PTPRD: variants seen among roughly 807,000 people sequenced by gnomAD.
The protein encoded by PTPRD is receptor-type tyrosine-protein phosphatase delta.
A neutral mutation model predicts 214.5 loss-of-function variants in PTPRD; 34 were observed. The ratio of observed to expected loss-of-function variants is 0.16; its 90% CI spans 0.12 to 0.21. The LOEUF is 0.21. Ranked by LOEUF, PTPRD falls within the 10% of genes least tolerant of loss-of-function variation. The pLI, the probability that PTPRD is intolerant of heterozygous loss-of-function variation, is 1.00. For missense variants in PTPRD, 2,545 were observed against 2,398.7 expected, an observed-to-expected ratio of 1.06 and a Z score of -1.27; for synonymous variants, 1,128 against 845.7, an observed-to-expected ratio of 1.33 and a Z score of -5.79.
At chr9:9,745,518 C>A (rs866084958) in intron 6 of PTPRD, among the ~76,000 whole-genome samples, 8 of 152,068 alleles carry the variant, frequency 5.3e-5, no homozygotes, top group African/African-American at 1.9e-4. Flanking sequence ...CGTGGCAGGG[C>A]AAATGAATGT....
At chr9:9,840,761 C>CAAAAAAAAAAAAAAAAAAAAAAA (rs59780411) in intron 5 of PTPRD, among the ~76,000 whole-genome samples, 1 of 61,622 alleles carries the variant, frequency 1.6e-5, no homozygotes, top group Non-Finnish European at 2.6e-5. Flanking sequence ...GACTCCGTTT[C>CAAAAAAAAAAAAAAAAAAAAAAA]AAAAAAAAAA....
At chr9:8,713,466 G>T in intron 12 of PTPRD, 1 of 1,119,832 alleles carries the variant, frequency 8.9e-7, no homozygotes, top group South Asian at 1.3e-5. Context: ...CTCAGTTAAA[G>T]AAAATGAAGA....
intron 12 of PTPRD, among the ~76,000 whole-genome samples, chr9:8,712,223 T>C (rs145771605): frequency 1.3e-5 from 2 of 152,332 alleles, no homozygotes; most frequent in African/African-American, 4.8e-5. Context: ...CTGTCCTTAG[T>C]AATTTTGGTA....
chr9:10,447,752 C>T (rs564283688), intron 2 of PTPRD, among the ~76,000 whole-genome samples: 1 of 152,106 alleles, frequency 6.6e-6, no homozygotes, highest in Admixed American at 6.5e-5. Context: ...CCTCATTCTT[C>T]AAGTAAGAAG....
At chr9:9,070,299 G>C (rs761984305) in intron 10 of PTPRD, among the ~76,000 whole-genome samples, 2 of 152,034 alleles carry the variant, frequency 1.3e-5, no homozygotes, top group African/African-American at 4.8e-5. Context: ...TACATAAGGC[G>C]TCTTGTAATT....
chr9:9,103,376 A>T (rs1362686902), intron 10 of PTPRD, among the ~76,000 whole-genome samples: 11 of 152,060 alleles, frequency 7.2e-5, no homozygotes, highest in Non-Finnish European at 1.5e-4. Context: ...TGTCTTTTTT[A>T]AAAAAGATCA....
At chr9:9,718,246 G>A (rs1200347723) in intron 7 of PTPRD, among the ~76,000 whole-genome samples, 1 of 152,112 alleles carries the variant, frequency 6.6e-6, no homozygotes, top group Non-Finnish European at 1.5e-5. Flanking sequence ...TATGAAAATA[G>A]CAACATTAAA....
At chr9:8,418,338 TATC>T (rs912541789) in intron 35 of PTPRD, among the ~76,000 whole-genome samples, 5 of 152,100 alleles carry the variant, frequency 3.3e-5, no homozygotes, top group Admixed American at 3.3e-4. Context: ...TGTGTGCCAC[TATC>T]ATGTGTTACA....
At chr9:9,517,241 T>C (rs2096860429) in intron 8 of PTPRD, among the ~76,000 whole-genome samples, 1 of 152,104 alleles carries the variant, frequency 6.6e-6, no homozygotes. Context: ...CCCAACTCAC[T>C]GCATAGTTAG....
chr9:9,181,318 G>A (rs1194667386), intron 10 of PTPRD, among the ~76,000 whole-genome samples: 1 of 151,794 alleles, frequency 6.6e-6, no homozygotes, highest in African/African-American at 2.4e-5. Flanking sequence ...TAGAAAAAAA[G>A]CCTTTTCTCT....
At chr9:9,093,704 G>A (rs540546504) in intron 10 of PTPRD, among the ~76,000 whole-genome samples, 4 of 151,454 alleles carry the variant, frequency 2.6e-5, no homozygotes, top group Non-Finnish European at 4.4e-5. Context: ...GCATATAGAG[G>A]AAAATTTATA....
intron 43 of PTPRD, among the ~76,000 whole-genome samples, chr9:8,335,407 A>G (rs1408002791): frequency 1.3e-5 from 2 of 152,220 alleles, no homozygotes; most frequent in Non-Finnish European, 1.5e-5. Context: ...GATTATCTCA[A>G]TAGATGCAGA....
At chr9:10,194,439 T>C (rs1428484812) in intron 3 of PTPRD, among the ~76,000 whole-genome samples, 1 of 145,976 alleles carries the variant, frequency 6.9e-6, no homozygotes, top group Admixed American at 6.8e-5. Flanking sequence ...GAATGGCTGT[T>C]AGAGATTATA....
chr9:10,155,010 G>C (rs142542072), intron 3 of PTPRD, among the ~76,000 whole-genome samples: 1 of 151,922 alleles, frequency 6.6e-6, no homozygotes, highest in Non-Finnish European at 1.5e-5. Flanking sequence ...CATAATAATA[G>C]TATTGAATCT....
chr9:10,169,473 C>CAAA (rs59335943), intron 3 of PTPRD, among the ~76,000 whole-genome samples: 9,712 of 66,618 alleles, frequency 0.15, 781 homozygotes, highest in South Asian at 0.2. Flanking sequence ...GACTCTGTCT[C>CAAA]AAAAAAAAAA....
intron 5 of PTPRD, among the ~76,000 whole-genome samples, chr9:9,822,018 A>C (rs2050918623): frequency 6.6e-6 from 1 of 151,444 alleles, no homozygotes; most frequent in Non-Finnish European, 1.5e-5. Context: ...TGTGGTAGTA[A>C]ATATCACCTT....
chr9:9,036,783 C>T (rs556741239), intron 10 of PTPRD, among the ~76,000 whole-genome samples: 18 of 152,212 alleles, frequency 1.2e-4, no homozygotes, highest in Admixed American at 9.2e-4. Context: ...TTACCTCTCT[C>T]CCCTGATACA....
Position 10,576,384 on chromosome 9 carries a change from C to G in PTPRD, c.-600+36014G>C, listed in dbSNP as rs189942816. 1.5e-4 allele frequency among the ~76,000 whole-genome samples: 23 copies of G among 152,148 alleles called. No homozygotes were observed. The East Asian group carries it at 4.2e-3, about 28-fold the overall frequency. On this transcript the variant is annotated intron_variant, in intron 2 of 45. Coordinates refer to ENST00000381196, the MANE Select transcript of PTPRD (RefSeq NM_002839.4). The stretch of plus-strand genomic sequence containing the variant: ...TAAAAATATGGTACATTTAAGAACT[C>G]TGAGAGAGTTTAATATGTTACCCCT...
intron 3 of PTPRD, among the ~76,000 whole-genome samples, chr9:10,338,575 C>G (rs1455752339): frequency 4.6e-5 from 7 of 151,690 alleles, no homozygotes; most frequent in Admixed American, 4.6e-4. Flanking sequence ...TGTTATCTTT[C>G]TTTCCCACCC....
Sources: gnomAD v4.1 joint callset for allele counts (sites outside exome capture counted in the v4.1 genomes callset) on GRCh38, gnomAD v4.1.1 for gene constraint, MANE v1.5 for transcripts, NCBI Gene and HGNC (gene_info 2026-07-23, HGNC 2026-07-21) for gene names.